Variants in IHO1 observed in about 807,000 individuals in gnomAD.
The protein encoded by IHO1 is interactor of HORMAD1 1, also known as interactor of HORMAD1 protein 1.
In IHO1, 13 loss-of-function variants were observed where a neutral mutation model predicts 31.0. The observed-to-expected ratio is 0.42, with a 90% CI of 0.27 to 0.67. The LOEUF (loss-of-function observed/expected upper bound fraction) is 0.67. IHO1 is among the 30% of genes least tolerant of loss of function. IHO1 has a pLI of 0.24. For missense variants in IHO1, 599 were observed against 687.5 expected, an observed-to-expected ratio of 0.87 and a Z score of 1.44; for synonymous variants, 221 against 248.4, an observed-to-expected ratio of 0.89 and a Z score of 1.04.
intron 6 of IHO1, chr3:49,244,967 C>T (rs2046676743): frequency 1.7e-6 from 1 of 598,466 alleles, no homozygotes; most frequent in Admixed American, 2.8e-5. Flanking sequence ...CACTAATCCC[C>T]CACCTGGTAA....
At chr3:49,213,955 C>T (rs773340673) in intron 2 of IHO1, 38 of 419,216 alleles carry the variant, frequency 9.1e-5, no homozygotes, top group African/African-American at 6.1e-4. Flanking sequence ...AAGGAAGCTC[C>T]GAGAGCAAGC....
At chr3:49,236,806 G>A in intron 3 of IHO1, 84 bp downstream of exon 3, 2 of 1,332,098 alleles carry the variant, frequency 1.5e-6, no homozygotes, top group Non-Finnish European at 2.1e-6. Flanking sequence ...TTCTGGCCAG[G>A]TGCAATGGCT....
At position 49,241,317 on chromosome 3, in the gene IHO1, C is replaced by T. The variant is rs778949645; in HGVS notation, c.323C>T (p.Ser108Leu). The stretch of plus-strand genomic sequence containing the variant: ...GGAGGTTTATTTCCTCCTCCTTTGT[C>T]AGTTGGAAAATCAAAAGGCCTCTTG... ...KDGGLFPPPL[S>L]VGKSKGLLEQ... The change falls in exon 4 of 8, where the codon TCA (serine) becomes TTA (leucine). Residue 108 changes from serine to leucine, a missense_variant. Ser to Leu is a moderately radical substitution (Grantham distance 145). Coordinates refer to ENST00000452691, the MANE Select transcript of IHO1 (RefSeq NM_001135197.2). 1 of 1,613,332 alleles carries T rather than the reference C, an allele frequency of 6.2e-7. No homozygotes were observed. The highest frequency in any genetic ancestry group is 1.1e-5 in the South Asian group (1 of 90,990).
intron 2 of IHO1, among the ~76,000 whole-genome samples, chr3:49,230,880 T>G (rs2046473353): frequency 6.6e-6 from 1 of 152,186 alleles, no homozygotes; most frequent in Admixed American, 6.6e-5. Context: ...AGTAATCTAT[T>G]TTCTATCTTT....
chr3:49,222,498 G>A (rs2107701022), intron 2 of IHO1, among the ~76,000 whole-genome samples: 1 of 152,266 alleles, frequency 6.6e-6, no homozygotes, highest in East Asian at 1.9e-4. Context: ...CTGTCAGAAG[G>A]AAGGAAGATA....
At chr3:49,219,831 C>T (rs1020391666) in intron 2 of IHO1, among the ~76,000 whole-genome samples, 1 of 152,096 alleles carries the variant, frequency 6.6e-6, no homozygotes, top group African/African-American at 2.4e-5. Flanking sequence ...GTTCGTTCCA[C>T]CTTGGAACCT....
At chr3:49,208,449 C>G (rs1438160428) in intron 1 of IHO1, among the ~76,000 whole-genome samples, 1 of 152,210 alleles carries the variant, frequency 6.6e-6, no homozygotes, top group Non-Finnish European at 1.5e-5. Context: ...TTATGAGACT[C>G]TAATGCCTGA....
chr3:49,199,038 C>A (rs760317622), upstream of IHO1: 40 of 152,704 alleles, frequency 2.6e-4, no homozygotes, highest in African/African-American at 9.1e-4. Flanking sequence ...ACAGGTGGCG[C>A]CTTGCCATTC....
At chr3:49,214,931 C>T (rs2334958) in intron 2 of IHO1, among the ~76,000 whole-genome samples, 91,810 of 151,126 alleles carry the variant, frequency 0.61, 29,129 homozygotes, top group East Asian at 0.95. Context: ...TGAGACACCA[C>T]GCCCAGCAAA....
At chr3:49,241,521 T>A in intron 4 of IHO1, 132 bp downstream of exon 4, 1 of 684,176 alleles carries the variant, frequency 1.5e-6, no homozygotes, top group African/African-American at 1.8e-5. Context: ...AACCAAACCA[T>A]AGGACTTACA....
chr3:49,231,076 A>G (rs958731277), intron 2 of IHO1, among the ~76,000 whole-genome samples: 1 of 152,214 alleles, frequency 6.6e-6, no homozygotes, highest in Non-Finnish European at 1.5e-5. Context: ...AGCAGGACTT[A>G]GTAGAATGGC....
intron 2 of IHO1, among the ~76,000 whole-genome samples, chr3:49,223,584 G>A (rs927124145): frequency 2.3e-4 from 35 of 152,138 alleles, no homozygotes; most frequent in Admixed American, 2.2e-3. Flanking sequence ...CCAGCTACTC[G>A]GGAGGCTGAG....
chr3:49,194,101 C>G (rs953822878), upstream of IHO1, among the ~76,000 whole-genome samples: 9 of 150,616 alleles, frequency 6.0e-5, no homozygotes, highest in African/African-American at 2.2e-4. Context: ...AACCCCATCT[C>G]TACTAAAAAT....
Position 49,212,957 on chromosome 3 carries a change from A to G in IHO1, c.56+1121A>G, listed in dbSNP as rs569017540. 4.7e-4 allele frequency among the ~76,000 whole-genome samples: 72 copies of G among 152,254 alleles called. No individual in the cohort carries two copies. In the Middle Eastern group the frequency reaches 0.014, roughly 29 times the overall value. On this transcript the variant is annotated intron_variant, in intron 2 of 7. Transcript: ENST00000452691. ...CACATCCTGCTGATTGGTCCATTTT[A>G]CAGAGAGCTGATCGGTCTGTTTTAC...
At chr3:49,222,294 G>A (rs1423223765) in intron 2 of IHO1, among the ~76,000 whole-genome samples, 2 of 152,190 alleles carry the variant, frequency 1.3e-5, no homozygotes, top group Non-Finnish European at 2.9e-5. Context: ...GATTGGACTG[G>A]TTTAACAGAG....
chr3:49,203,418 A>G (rs374092352), intron 1 of IHO1, among the ~76,000 whole-genome samples: 16 of 152,218 alleles, frequency 1.1e-4, no homozygotes, highest in African/African-American at 3.9e-4. Flanking sequence ...TCTGGCTTTT[A>G]TTTTGTGTAG....
chr3:49,201,538 A>T (rs951992384), intron 1 of IHO1, among the ~76,000 whole-genome samples: 2 of 151,968 alleles, frequency 1.3e-5, no homozygotes, highest in African/African-American at 4.8e-5. Flanking sequence ...CAGGAGAATC[A>T]CTTGAACCTG....
chr3:49,247,704 G>A (rs1361078228), intron 6 of IHO1, among the ~76,000 whole-genome samples: 1 of 151,920 alleles, frequency 6.6e-6, no homozygotes, highest in African/African-American at 2.4e-5. Flanking sequence ...TGGGAGGATC[G>A]CTTGAGTCTG....
chr3:49,195,691 G>A (rs2045992760), upstream of IHO1, among the ~76,000 whole-genome samples: 1 of 151,948 alleles, frequency 6.6e-6, no homozygotes, highest in Non-Finnish European at 1.5e-5. Flanking sequence ...TCCAGCCTGG[G>A]CCACAGAGTG....
Sources: allele counts gnomAD v4.1 joint callset (sites outside exome capture counted in the v4.1 genomes callset), GRCh38; gene constraint gnomAD v4.1.1; transcripts MANE v1.5; gene names NCBI Gene and HGNC (gene_info 2026-07-23, HGNC 2026-07-21).